The following DGKD variants were observed in gnomAD, a reference collection of about 807,000 sequenced individuals.
DGKD encodes diacylglycerol kinase delta, also known as DAG kinase delta.
Under a neutral mutation model 154.4 loss-of-function variants are expected in DGKD, and 68 were observed. The ratio of observed to expected loss-of-function variants is 0.44; its 90% CI spans 0.36 to 0.54. The LOEUF is 0.54. Among genes scored for constraint, DGKD ranks in the 20% least tolerant of loss-of-function variants. The pLI is 0.00. For missense variants in DGKD, 1,343 were observed against 1,593.6 expected (o/e 0.84, Z 2.68); for synonymous variants, 693 against 638.0 (o/e 1.09, Z -1.30).
At chr2:233,464,020 G>A in intron 26 of DGKD, 144 bp from the exon 27 acceptor site, 1 of 1,159,970 alleles carries the variant, frequency 8.6e-7, no homozygotes, top group Non-Finnish European at 1.2e-6. Context: ...TTCCTTTTCT[G>A]GTGCTCTGGG....
At position 233,440,084 on chromosome 2, in the gene DGKD, A is replaced by T. The variant is rs1362361081; in HGVS notation, c.1085+1705A>T. Among the ~76,000 whole-genome samples, 1 of 152,144 alleles carries T rather than the reference A, an allele frequency of 6.6e-6. No individual in the cohort carries two copies. The highest frequency in any genetic ancestry group is 6.5e-5 in the Admixed American group (1 of 15,288). On this transcript the variant is annotated intron_variant, in intron 9 of 29. Coordinates refer to ENST00000264057, the MANE Select transcript of DGKD (RefSeq NM_152879.3). This position sits in a 1 kb window ranked among gnomAD's most constrained non-coding sequence, Gnocchi z 4.9. ...CATTTTGGTGTGCAAGCAAAACCCC[A>T]TGTTTCGTAGTGGGAGTTAAGTATG... is the stretch of plus-strand genomic sequence containing the variant.
Position 233,458,025 on chromosome 2 carries a change from G to A in DGKD, c.2581-259G>A, listed in dbSNP as rs1232623762. Among the ~76,000 whole-genome samples the A allele has an allele frequency of 2.6e-5, 4 of 152,134 alleles. No individual in the cohort carries two copies. The South Asian group carries it at 6.2e-4, about 24-fold the overall frequency. On this transcript the variant is annotated intron_variant, in intron 21 of 29. Coordinates refer to ENST00000264057, the MANE Select transcript of DGKD (RefSeq NM_152879.3). The surrounding 1 kb of genome is among the most constrained non-coding windows in gnomAD (Gnocchi z 6.6). ...GCCCTACTGATGGCCCTGGAGGAGC[G>A]TGCCGTTAGTTTCCCCATTTTACGC...
At chr2:233,454,429 G>A (rs536058486) in intron 18 of DGKD, 8 of 478,458 alleles carry the variant, frequency 1.7e-5, no homozygotes, top group Admixed American at 4.7e-5. Context: ...AGGCGCCTCC[G>A]TGGAGGTGGA....
In DGKD at chr2:233,458,218, A is replaced by G; in HGVS notation, c.2581-66A>G. The G allele has an allele frequency of 9.7e-7, 1 of 1,035,932 alleles. No homozygotes were observed. The highest frequency in any genetic ancestry group is 1.5e-6 in the Non-Finnish European group (1 of 680,200). The allele number at this position is 1,035,932 out of a possible 1,614,324, so 64.2% of individuals were successfully genotyped here. ...GGCTGACCCCCAGAGGGAGGGAGTG[A>G]GGGTAGGGGCGGCCTGTGCTCGGGG... On this transcript the variant is annotated intron_variant, in intron 21 of 29. Transcript: ENST00000264057. This position sits in a 1 kb window ranked among gnomAD's most constrained non-coding sequence, Gnocchi z 6.6.
chr2:233,406,628 A>G (rs2061692180), intron 3 of DGKD, among the ~76,000 whole-genome samples: 1 of 152,226 alleles, frequency 6.6e-6, no homozygotes, highest in Non-Finnish European at 1.5e-5. Flanking sequence ...GGATATGACT[A>G]TATTGTATTA....
Position 233,381,283 on chromosome 2 carries a change from G to A in DGKD, c.157-6974G>A, listed in dbSNP as rs533341903. ...GTAAGATCAGCTTATAGGTAGACAGGTGGTGGGTAAGTTGCAGGTAGTTCC... is the reference window on the plus strand; with the variant it reads ...GTAAGATCAGCTTATAGGTAGACAGATGGTGGGTAAGTTGCAGGTAGTTCC... On this transcript the variant is annotated intron_variant, in intron 1 of 29. Coordinates refer to ENST00000264057, the MANE Select transcript of DGKD (RefSeq NM_152879.3). Among the ~76,000 whole-genome samples the A allele has an allele frequency of 3.3e-5, 5 of 152,360 alleles. No homozygotes were observed. The South Asian group carries it at 8.3e-4, about 25-fold the overall frequency.
At chr2:233,387,455 C>G (rs1703260389) in intron 1 of DGKD, among the ~76,000 whole-genome samples, 1 of 152,084 alleles carries the variant, frequency 6.6e-6, no homozygotes, top group Admixed American at 6.6e-5. Flanking sequence ...GTTAATGGCT[C>G]CGAGTACGTC....
chr2:233,359,690 T>A (rs1206919038), intron 1 of DGKD, among the ~76,000 whole-genome samples: 1 of 152,228 alleles, frequency 6.6e-6, no homozygotes, highest in Admixed American at 6.5e-5. Context: ...GGCTAGGTAT[T>A]ACATTTTGTA....
chr2:233,358,683 G>C (rs566161068), intron 1 of DGKD, among the ~76,000 whole-genome samples: 1 of 152,228 alleles, frequency 6.6e-6, no homozygotes, highest in East Asian at 1.9e-4. Flanking sequence ...CTTTAACTTA[G>C]CATAATATTT....
intron 1 of DGKD, among the ~76,000 whole-genome samples, chr2:233,382,120 G>C (rs2125421387): frequency 6.6e-6 from 1 of 152,314 alleles, no homozygotes; most frequent in African/African-American, 2.4e-5. Flanking sequence ...TGTAATCCCA[G>C]CTACTCGGGA....
In DGKD at chr2:233,438,731, T is replaced by TTTTTTA. The variant is rs1553637036; in HGVS notation, c.1085+356_1085+361dup. Among the ~76,000 whole-genome samples, 1 of 107,696 alleles carries TTTTTTA rather than the reference T, an allele frequency of 9.3e-6. No individual in the cohort carries two copies. The highest frequency in any genetic ancestry group is 8.7e-5 in the Admixed American group (1 of 11,430). The allele number at this position is 107,696 out of a possible 152,430, so 70.7% of individuals were successfully genotyped here. ...GGGTGTATTTTCTTTCATTTTATAA[T>TTTTTTA]TTTTTATTTATCTGTCTATCTATCA... On this transcript the variant is annotated intron_variant, in intron 9 of 29. Transcript: ENST00000264057. The surrounding 1 kb of genome is among the most constrained non-coding windows in gnomAD (Gnocchi z 4.1).
At chr2:233,454,601 A>C in intron 18 of DGKD, 162 bp from the exon 19 acceptor site, 2 of 597,732 alleles carry the variant, frequency 3.3e-6, no homozygotes, top group Non-Finnish European at 6.1e-6. Context: ...GTACATTTTA[A>C]ATTGGTAAAT....
chr2:233,384,699 G>C (rs767506390), intron 1 of DGKD, among the ~76,000 whole-genome samples: 39 of 152,054 alleles, frequency 2.6e-4, no homozygotes, highest in Non-Finnish European at 2.4e-4. Context: ...CCAGACTCTT[G>C]TCATCAGCTC....
chr2:233,450,855 A>C, intron 16 of DGKD, 67 bp from the exon 17 acceptor site: 5 of 1,548,444 alleles, frequency 3.2e-6, no homozygotes, highest in Non-Finnish European at 4.4e-6. Flanking sequence ...CGTGTCGCTA[A>C]GGACCCCCCA....
intron 3 of DGKD, among the ~76,000 whole-genome samples, chr2:233,403,129 G>A (rs1409323992): frequency 6.6e-6 from 1 of 152,194 alleles, no homozygotes; most frequent in Non-Finnish European, 1.5e-5. Flanking sequence ...CAGGAAATAG[G>A]TGGTAGGAGT....
rs2064000443 is a variant in DGKD, at chr2:233,471,116, C to G, written c.*1656C>G. On this transcript the variant is annotated 3_prime_UTR_variant, in exon 30 of 30. Transcript: ENST00000264057. ...TCTGCGTGCCTTTGGGTGCTCCCCT[C>G]TCGTGGTCGTTCTGGCCCGAGGCCC... 1 of 152,444 alleles carries G rather than the reference C, an allele frequency of 6.6e-6. No individual in the cohort carries two copies. Among genetic ancestry groups the G allele is most frequent in the African/African-American group, 2.4e-5 (1 of 41,444 alleles). 9.4% of individuals were successfully genotyped at this position (152,444 alleles called of 1,614,324 possible).
At position 233,438,987 on chromosome 2, in the gene DGKD, A is replaced by T. The variant is rs1041095187; in HGVS notation, c.1085+608A>T. Among the ~76,000 whole-genome samples the T allele has an allele frequency of 2.0e-5, 3 of 152,208 alleles. No individual in the cohort carries two copies. Among genetic ancestry groups the T allele is most frequent in the Non-Finnish European group, 4.4e-5 (3 of 68,036 alleles). ...GTAAGGGCGGCGTTGGGCCAGAGCG[A>T]TTTCCACTGTGCATCAGCAGCACAG... On this transcript the variant is annotated intron_variant, in intron 9 of 29. Coordinates refer to ENST00000264057, the MANE Select transcript of DGKD (RefSeq NM_152879.3). This position sits in a 1 kb window ranked among gnomAD's most constrained non-coding sequence, Gnocchi z 4.1.
chr2:233,383,883 A>G (rs1032807657), intron 1 of DGKD, among the ~76,000 whole-genome samples: 23 of 152,184 alleles, frequency 1.5e-4, no homozygotes, highest in Non-Finnish European at 2.5e-4. Flanking sequence ...TGATGATAGC[A>G]TTGAGGGAAC....
intron 4 of DGKD, 73 bp from the exon 5 acceptor site, chr2:233,434,696 C>G (rs1465149401): frequency 6.4e-7 from 1 of 1,570,100 alleles, no homozygotes; most frequent in Non-Finnish European, 8.6e-7. Context: ...TTTGTTTAAT[C>G]TTGTCCAAGT....
Sources: allele counts gnomAD v4.1 joint callset (sites outside exome capture counted in the v4.1 genomes callset), GRCh38; gene constraint gnomAD v4.1.1; non-coding constraint Gnocchi (gnomAD v3.1); transcripts MANE v1.5; gene names NCBI Gene and HGNC (gene_info 2026-07-23, HGNC 2026-07-21).